FILIP1: variants seen among roughly 807,000 people sequenced by gnomAD.
FILIP1 encodes filamin-A-interacting protein 1.
In FILIP1, 61 loss-of-function variants were observed where a neutral mutation model predicts 102.1. That is an observed-to-expected ratio of 0.60 (90% CI 0.49 to 0.74). The LOEUF (loss-of-function observed/expected upper bound fraction) is 0.74. FILIP1 is among the 30% of genes least tolerant of loss of function. The probability of loss-of-function intolerance (pLI) is 0.00; values close to 1 mark genes in which losing one functional copy is unlikely to be tolerated. For missense variants in FILIP1, 1,314 were observed against 1,441.2 expected (o/e 0.91, Z 1.43); for synonymous variants, 491 against 526.9 (o/e 0.93, Z 0.93).
chr6:75,396,098 C>T (rs1776451654), intron 2 of FILIP1, among the ~76,000 whole-genome samples: 1 of 151,520 alleles, frequency 6.6e-6, no homozygotes, highest in African/African-American at 2.4e-5. Flanking sequence ...AAAAAGAATA[C>T]TCTCCAATAA....
chr6:75,398,475 T>G (rs2149667684), intron 2 of FILIP1, among the ~76,000 whole-genome samples: 1 of 152,258 alleles, frequency 6.6e-6, no homozygotes, highest in East Asian at 1.9e-4. Flanking sequence ...AGTAGAGGTC[T>G]CCTAAGGATC....
At chr6:75,426,022 G>A (rs921530454) in intron 1 of FILIP1, among the ~76,000 whole-genome samples, 7 of 151,548 alleles carry the variant, frequency 4.6e-5, no homozygotes, top group African/African-American at 1.7e-4. Flanking sequence ...TACGGTCTCT[G>A]TTGCATCTAC....
chr6:75,469,088 A>G (rs1779258259), intron 1 of FILIP1, among the ~76,000 whole-genome samples: 1 of 152,040 alleles, frequency 6.6e-6, no homozygotes, highest in Non-Finnish European at 1.5e-5. Flanking sequence ...GTGAACAAAA[A>G]ATCCATTAAA....
chr6:75,442,726 CATCAGAGGGAGACCGTG>C (rs1582515544), intron 1 of FILIP1, among the ~76,000 whole-genome samples: 2 of 151,694 alleles, frequency 1.3e-5, no homozygotes, highest in East Asian at 3.9e-4. Context: ...CTTGGCTCGG[CATCAGAGGGAGACCGTG>C]GGGAGAGGGA....
At chr6:75,430,559 C>G (rs1174569849) in intron 1 of FILIP1, among the ~76,000 whole-genome samples, 3 of 151,974 alleles carry the variant, frequency 2.0e-5, no homozygotes, top group Non-Finnish European at 2.9e-5. Context: ...AATAACAGCT[C>G]ACACCCCAAT....
chr6:75,349,260 G>A (rs1774701891), intron 4 of FILIP1, among the ~76,000 whole-genome samples: 1 of 152,114 alleles, frequency 6.6e-6, no homozygotes, highest in Non-Finnish European at 1.5e-5. Flanking sequence ...CATTTTTCTG[G>A]AAGAGGTGAG....
chr6:75,481,703 C>A (rs1371228309), intron 1 of FILIP1, among the ~76,000 whole-genome samples: 3 of 152,298 alleles, frequency 2.0e-5, no homozygotes, highest in African/African-American at 7.2e-5. Context: ...ATCAATCCAA[C>A]CCCTCTTTTA....
chr6:75,451,578 C>T (rs1007570908), intron 1 of FILIP1, among the ~76,000 whole-genome samples: 2 of 151,446 alleles, frequency 1.3e-5, no homozygotes, highest in African/African-American at 4.8e-5. Context: ...GGCCTGTTAT[C>T]CCAGCATTTT....
chr6:75,392,118 A>T (rs1776297243), intron 2 of FILIP1, among the ~76,000 whole-genome samples: 1 of 151,686 alleles, frequency 6.6e-6, no homozygotes, highest in Non-Finnish European at 1.5e-5. Context: ...TTCCTCTCAA[A>T]CTGTTCATTC....
At chr6:75,405,811 CA>C (rs1394849764) in intron 2 of FILIP1, among the ~76,000 whole-genome samples, 1 of 152,060 alleles carries the variant, frequency 6.6e-6, no homozygotes, top group African/African-American at 2.4e-5. Context: ...ACAGAGCAGA[CA>C]ATCGGAATGA....
Position 75,420,575 on chromosome 6 carries a change from C to T in FILIP1, c.-6-5597G>A, listed in dbSNP as rs551105036. 3.3e-5 allele frequency among the ~76,000 whole-genome samples: 5 copies of T among 152,244 alleles called. No homozygotes were observed. The East Asian group carries it at 9.6e-4, about 29-fold the overall frequency. ...CAAAAAATTGTATTTCCAGTCTTAC[C>T]TTTCAATGCCTCCCATACATTTATC... On this transcript the variant is annotated intron_variant, in intron 1 of 5. Transcript: ENST00000237172.
At position 75,377,098 on chromosome 6, in the gene FILIP1, C is replaced by G. The variant is rs189016994; in HGVS notation, c.277-14181G>C. On this transcript the variant is annotated intron_variant, in intron 2 of 5. Coordinates refer to ENST00000237172, the MANE Select transcript of FILIP1 (RefSeq NM_015687.5). ...ATTGCCCATATATGAAGGATGCAACCAAAGTCAAGCTCTCTGATTTAGGAA... is the reference window on the plus strand; with the variant it reads ...ATTGCCCATATATGAAGGATGCAACGAAAGTCAAGCTCTCTGATTTAGGAA... 1.8e-3 allele frequency among the ~76,000 whole-genome samples: 273 copies of G among 152,062 alleles called. 2 individuals are homozygous for G. The highest frequency in any genetic ancestry group is 6.3e-3 in the African/African-American group (262 of 41,432).
In FILIP1 at chr6:75,412,383, C is replaced by T. The variant is rs1038770098; in HGVS notation, c.276+2314G>A. On this transcript the variant is annotated intron_variant, in intron 2 of 5. Transcript: ENST00000237172. Reference sequence around the variant, plus strand: ...GCACACAGAGATAATTTGACTTCCTCTCTTCTTATTTGAATACACTTTATT... The same window carrying T: ...GCACACAGAGATAATTTGACTTCCTTTCTTCTTATTTGAATACACTTTATT... Among the ~76,000 whole-genome samples the T allele has an allele frequency of 3.9e-5, 6 of 152,278 alleles. No individual in the cohort carries two copies. In the East Asian group the frequency reaches 9.7e-4, roughly 24 times the overall value.
At chr6:75,432,531 C>A (rs896518891) in intron 1 of FILIP1, among the ~76,000 whole-genome samples, 6 of 152,142 alleles carry the variant, frequency 3.9e-5, no homozygotes, top group African/African-American at 1.4e-4. Context: ...TCCAAGTCAA[C>A]TTTTATTTTA....
rs144274561 is a variant in FILIP1 at position 75,291,996 on chromosome 6, A to G, written c.*3914T>C. ...TAGTTGACTTTGGAAGTAACAGAGA[A>G]TGTTTTCATTGGTTAAATAATTTCA... On this transcript the variant is annotated 3_prime_UTR_variant, in exon 7 of 7. Transcript: ENST00000393004. 1.7e-3 allele frequency: 255 copies of G among 152,324 alleles called. 1 individual carries two copies. The highest frequency in any genetic ancestry group is 5.8e-3 in the African/African-American group (240 of 41,580). The allele number at this position is 152,324 out of a possible 1,614,324, so 9.4% of individuals were successfully genotyped here. A position where few individuals can be genotyped will look rare whatever the true frequency, so the allele number is the denominator to read the frequency against.
At chr6:75,334,981 T>C (rs908026448) in intron 4 of FILIP1, among the ~76,000 whole-genome samples, 1 of 152,078 alleles carries the variant, frequency 6.6e-6, no homozygotes, top group Non-Finnish European at 1.5e-5. Context: ...CTAAGGGAAA[T>C]GCATTGGGAG....
intron 2 of FILIP1, among the ~76,000 whole-genome samples, chr6:75,414,395 C>T (rs1777180927): frequency 6.6e-6 from 1 of 152,058 alleles, no homozygotes; most frequent in African/African-American, 2.4e-5. Context: ...AATTAGATAA[C>T]CTAATTGATT....
At position 75,414,963 on chromosome 6, in the gene FILIP1, G is replaced by A. The variant is rs1396987466; in HGVS notation, c.10C>T (p.Arg4Ter). ...GATGCACTTTCACCACCTTGGTTTC[G>A]AGATCTCATTCCCACCTACAACACA... The part of the protein sequence containing the change: MRS[R>*]NQGGESASDG... The change falls in exon 2 of 6, where the codon CGA (arginine) becomes TGA (stop). Residue 4 changes from arginine (R) to a stop codon, truncating the protein, a stop_gained. Coordinates refer to ENST00000237172, the MANE Select transcript of FILIP1 (RefSeq NM_015687.5). LOFTEE classifies it high-confidence loss of function. 1.2e-6 allele frequency: 2 copies of A among 1,613,082 alleles called. No individual in the cohort carries two copies. The highest frequency in any genetic ancestry group is 1.7e-6 in the Non-Finnish European group (2 of 1,179,498).
chr6:75,475,967 G>A (rs962044996), intron 1 of FILIP1, among the ~76,000 whole-genome samples: 3 of 152,052 alleles, frequency 2.0e-5, no homozygotes, highest in Admixed American at 6.6e-5. Context: ...TTGGCCAGGC[G>A]CTGTAGCTCA....
Sources: gnomAD v4.1 joint callset for allele counts (sites outside exome capture counted in the v4.1 genomes callset) on GRCh38, gnomAD v4.1.1 for gene constraint, MANE v1.5 for transcripts, NCBI Gene and HGNC (gene_info 2026-07-23, HGNC 2026-07-21) for gene names.